Variants in NRXN1 observed in about 807,000 individuals in gnomAD.
NRXN1 encodes neurexin-1.
A neutral mutation model predicts 150.9 loss-of-function variants in NRXN1; 39 were observed. That is an observed-to-expected ratio of 0.26 (90% confidence interval 0.20 to 0.34). The LOEUF (loss-of-function observed/expected upper bound fraction) is 0.34, where lower values mean the gene tolerates loss of function less well. NRXN1 is among the 10% of genes least tolerant of loss of function. The pLI is 1.00. For synonymous variants in NRXN1, 924 were observed against 757.0 expected, an observed-to-expected ratio of 1.22 and a Z score of -3.62; for missense variants, 1,815 against 1,949.9, an observed-to-expected ratio of 0.93 and a Z score of 1.30.
chr2:50,764,939 G>A (rs1040486064), intron 5 of NRXN1, among the ~76,000 whole-genome samples: 8 of 152,000 alleles, frequency 5.3e-5, no homozygotes, highest in Admixed American at 3.3e-4. Flanking sequence ...ATGTGTTTAT[G>A]GAATTTGCAG....
chr2:50,888,541 G>A (rs1483925375), intron 5 of NRXN1, among the ~76,000 whole-genome samples: 1 of 151,326 alleles, frequency 6.6e-6, no homozygotes, highest in African/African-American at 2.4e-5. Context: ...TGCTCCCTCT[G>A]TTATCTTTTC....
At chr2:50,629,986 G>A (rs1326200751) in intron 5 of NRXN1, among the ~76,000 whole-genome samples, 3 of 151,422 alleles carry the variant, frequency 2.0e-5, no homozygotes, top group African/African-American at 7.3e-5. Context: ...GATAAAATTG[G>A]GAAAAAGTAA....
At chr2:50,710,586 T>C (rs998954855) in intron 5 of NRXN1, among the ~76,000 whole-genome samples, 3 of 152,208 alleles carry the variant, frequency 2.0e-5, no homozygotes, top group Admixed American at 6.6e-5. Context: ...TAATGTCAAA[T>C]TGACATTTTT....
chr2:51,006,609 ACTCT>A (rs1700759734), intron 2 of NRXN1, among the ~76,000 whole-genome samples: 1 of 151,728 alleles, frequency 6.6e-6, no homozygotes, highest in Non-Finnish European at 1.5e-5. Context: ...ACCTTCTGTT[ACTCT>A]CTATTTTTCT....
intron 5 of NRXN1, among the ~76,000 whole-genome samples, chr2:50,759,058 C>G (rs1424119063): frequency 6.6e-6 from 1 of 151,902 alleles, no homozygotes; most frequent in Non-Finnish European, 1.5e-5. Flanking sequence ...ATAATTGACT[C>G]TTTGCAAATG....
chr2:50,775,100 A>G (rs996982004), intron 5 of NRXN1, among the ~76,000 whole-genome samples: 2 of 152,132 alleles, frequency 1.3e-5, no homozygotes, highest in African/African-American at 4.8e-5. Flanking sequence ...AACCAACACT[A>G]TAATTTGTCT....
intron 5 of NRXN1, chr2:50,829,576 T>G: frequency 6.2e-7 from 1 of 1,612,054 alleles, no homozygotes; most frequent in Non-Finnish European, 8.5e-7. Flanking sequence ...TGAAGGTCCA[T>G]GTAGCCATCG....
At chr2:50,813,721 G>A (rs963754177) in intron 5 of NRXN1, among the ~76,000 whole-genome samples, 1 of 152,016 alleles carries the variant, frequency 6.6e-6, no homozygotes, top group African/African-American at 2.4e-5. Flanking sequence ...CATATACAAA[G>A]GCATTGTCCT....
At chr2:50,642,248 G>T (rs1684180605) in intron 5 of NRXN1, among the ~76,000 whole-genome samples, 1 of 151,902 alleles carries the variant, frequency 6.6e-6, no homozygotes, top group South Asian at 2.1e-4. Flanking sequence ...CAGTTTACAA[G>T]ATATTTACAA....
In NRXN1 at chr2:51,023,104, G is replaced by C. The variant is rs541607820; in HGVS notation, c.772+4398C>G. On this transcript the variant is annotated intron_variant, in intron 2 of 22. Coordinates refer to ENST00000401669, the MANE Select transcript of NRXN1 (RefSeq NM_001330078.2). ...AAGAAAGAATTGTATTTTTCCCCTAGTTTAATCTACAGCTTACTGTGGGTG... is the reference window on the plus strand; with the variant it reads ...AAGAAAGAATTGTATTTTTCCCCTACTTTAATCTACAGCTTACTGTGGGTG... Among the ~76,000 whole-genome samples the C allele has an allele frequency of 2.6e-4, 39 of 152,262 alleles. No homozygotes were observed. In the South Asian group the frequency reaches 7.9e-3, roughly 31 times the overall value.
chr2:50,841,977 A>G (rs17041068), intron 5 of NRXN1, among the ~76,000 whole-genome samples: 29,279 of 152,106 alleles, frequency 0.19, 2,915 homozygotes, highest in Middle Eastern at 0.24. Context: ...CAACAAACAA[A>G]ATTATATGCA....
intron 19 of NRXN1, among the ~76,000 whole-genome samples, chr2:50,071,850 GCT>G (rs1256105857): frequency 6.6e-6 from 1 of 152,112 alleles, no homozygotes; most frequent in African/African-American, 2.4e-5. Context: ...ACAGAATAAA[GCT>G]CTGTGTTAAT....
At chr2:50,357,651 G>A (rs1377862736) in intron 17 of NRXN1, among the ~76,000 whole-genome samples, 1 of 152,086 alleles carries the variant, frequency 6.6e-6, no homozygotes, top group African/African-American at 2.4e-5. Flanking sequence ...TGAAGGGAGA[G>A]GCAAATTTCC....
chr2:49,949,271 A>T (rs1673503648), intron 21 of NRXN1, among the ~76,000 whole-genome samples: 2 of 151,798 alleles, frequency 1.3e-5, no homozygotes, highest in Admixed American at 6.6e-5. Context: ...TATGTTTGTT[A>T]TTTTTTCTCA....
intron 17 of NRXN1, among the ~76,000 whole-genome samples, chr2:50,291,098 T>A (rs2072867548): frequency 6.6e-6 from 1 of 151,112 alleles, no homozygotes; most frequent in African/African-American, 2.4e-5. Context: ...AGGAAAGGGA[T>A]TTTTTATTTT....
chr2:50,691,400 A>C (rs186403402), intron 5 of NRXN1, among the ~76,000 whole-genome samples: 4 of 152,324 alleles, frequency 2.6e-5, no homozygotes, highest in Admixed American at 1.3e-4. Flanking sequence ...GGTATCTCAT[A>C]AGACATTTTG....
In NRXN1 at chr2:50,385,039, T is replaced by C. The variant is rs78031198; in HGVS notation, c.3364+80403A>G. ...GTTTCAATGATCAGTCTCCTCACCA[T>C]TTTGAGAACTCTTCTAACATGTTGA... On this transcript the variant is annotated intron_variant, in intron 17 of 22. Coordinates refer to ENST00000401669, the MANE Select transcript of NRXN1 (RefSeq NM_001330078.2). 1.1e-4 allele frequency among the ~76,000 whole-genome samples: 17 copies of C among 152,310 alleles called. No individual in the cohort carries two copies. In the East Asian group the frequency reaches 2.9e-3, roughly 26 times the overall value.
chr2:50,145,049 T>A (rs1260228448), intron 18 of NRXN1, among the ~76,000 whole-genome samples: 1 of 151,736 alleles, frequency 6.6e-6, no homozygotes, highest in African/African-American at 2.4e-5. Context: ...GCTATTTCTG[T>A]GATGATTTAA....
At chr2:50,540,680 T>C (rs2105274703) in intron 9 of NRXN1, among the ~76,000 whole-genome samples, 1 of 152,182 alleles carries the variant, frequency 6.6e-6, no homozygotes, top group East Asian at 1.9e-4. Flanking sequence ...TTTTTCTTTC[T>C]GAGACAGAGT....
Sources: allele counts gnomAD v4.1 joint callset (sites outside exome capture counted in the v4.1 genomes callset), GRCh38; gene constraint gnomAD v4.1.1; transcripts MANE v1.5; gene names NCBI Gene and HGNC (gene_info 2026-07-23, HGNC 2026-07-21).